RNF32: variants seen among roughly 807,000 people sequenced by gnomAD.
RNF32 encodes ring finger protein 32.
A neutral mutation model predicts 41.0 loss-of-function variants in RNF32; 36 were observed. That is an observed-to-expected ratio of 0.88 (90% CI 0.67 to 1.16). The LOEUF is 1.16. Among genes scored for constraint, RNF32 ranks in the 50% most tolerant of loss-of-function variants. RNF32 has a pLI of 0.00. For missense variants in RNF32, 413 were observed against 436.7 expected (o/e 0.95, Z 0.48); for synonymous variants, 154 against 160.9 (o/e 0.96, Z 0.32).
intron 4 of RNF32, among the ~76,000 whole-genome samples, chr7:156,656,660 C>G (rs1013300812): frequency 6.6e-6 from 1 of 152,238 alleles, no homozygotes; most frequent in African/African-American, 2.4e-5. Context: ...TTCCCCACAG[C>G]AGGCATCCTG....
rs750863086 is a variant in RNF32, at chr7:156,643,837, A to G, written c.-41A>G. 8.1e-6 allele frequency: 13 copies of G among 1,595,266 alleles called. No individual in the cohort carries two copies. Among genetic ancestry groups the G allele is most frequent in the Non-Finnish European group, 1.0e-5 (12 of 1,162,960 alleles). On this transcript the variant is annotated 5_prime_UTR_variant, in exon 2 of 9. The change creates a new upstream start codon in the 5' untranslated region. Coordinates refer to ENST00000317955, the MANE Select transcript of RNF32 (RefSeq NM_030936.4). ...AAGGAAGGTGATAGGATGTGATGAT[A>G]GAATTTGTGATAGCCAAGCAACAAC...
At chr7:156,650,924 G>C (rs1476768433) in intron 3 of RNF32, among the ~76,000 whole-genome samples, 1 of 152,118 alleles carries the variant, frequency 6.6e-6, no homozygotes, top group Non-Finnish European at 1.5e-5. Flanking sequence ...CCCTTCACCT[G>C]CTGCTGTTAC....
chr7:156,651,215 CTTT>C (rs201556848), intron 3 of RNF32, among the ~76,000 whole-genome samples: 11 of 138,698 alleles, frequency 7.9e-5, no homozygotes, highest in Admixed American at 2.2e-4. Context: ...TTTAATATTT[CTTT>C]TTTTTTTTTT....
At chr7:156,657,505 G>A in intron 4 of RNF32, 36 bp from the exon 5 acceptor site, 2 of 1,611,532 alleles carry the variant, frequency 1.2e-6, no homozygotes, top group Non-Finnish European at 1.7e-6. Context: ...CTTCTCTTTT[G>A]TAAACTTCAA....
In RNF32 at chr7:156,675,883, T is replaced by A; in HGVS notation, c.852+20T>A. 1 of 1,607,110 alleles carries A rather than the reference T, an allele frequency of 6.2e-7. No individual in the cohort carries two copies. Among genetic ancestry groups the A allele is most frequent in the Non-Finnish European group, 8.5e-7 (1 of 1,175,780 alleles). On this transcript the variant is annotated intron_variant, in intron 8 of 8. Coordinates refer to ENST00000317955, the MANE Select transcript of RNF32 (RefSeq NM_030936.4). Reference sequence around the variant, plus strand: ...GTGCAGGTAGGTTTGGCTGGCAGCCTGGCAACCAGCAGACTCAGCTGCAGC... The same window carrying A: ...GTGCAGGTAGGTTTGGCTGGCAGCCAGGCAACCAGCAGACTCAGCTGCAGC...
intron 3 of RNF32, 33 bp downstream of exon 3, chr7:156,644,790 A>G: frequency 2.5e-6 from 4 of 1,576,766 alleles, no homozygotes; most frequent in East Asian, 2.2e-5. Flanking sequence ...CTTTTGGCTT[A>G]TTAGGGCTAA....
intron 3 of RNF32, among the ~76,000 whole-genome samples, chr7:156,653,308 C>T (rs1457361740): frequency 5.9e-5 from 9 of 152,134 alleles, no homozygotes; most frequent in African/African-American, 9.7e-5. Context: ...TCAGCTGTAC[C>T]GTGTAGCTTT....
At chr7:156,657,750 A>G (rs1799945371) in intron 5 of RNF32, 177 bp downstream of exon 5, 2 of 666,036 alleles carry the variant, frequency 3.0e-6, no homozygotes, top group Non-Finnish European at 5.3e-6. Context: ...TTTGAAAATC[A>G]TGAGTTTTGT....
intron 7 of RNF32, among the ~76,000 whole-genome samples, chr7:156,662,612 T>C (rs1800805438): frequency 6.6e-6 from 1 of 151,980 alleles, no homozygotes; most frequent in Admixed American, 6.6e-5. Flanking sequence ...ACCTGGGACG[T>C]TGGTTTTCTG....
At chr7:156,676,325 T>C (rs1483795938) in intron 8 of RNF32, 94 bp from the exon 9 acceptor site, 4 of 1,612,868 alleles carry the variant, frequency 2.5e-6, no homozygotes, top group South Asian at 2.2e-5. Context: ...CGAAGACCCA[T>C]GTCTCGGGGC....
intron 7 of RNF32, among the ~76,000 whole-genome samples, chr7:156,662,034 A>G (rs1312856637): frequency 3.9e-5 from 6 of 152,200 alleles, no homozygotes; most frequent in Admixed American, 3.9e-4. Flanking sequence ...TCATTTGGCC[A>G]TAAACACTTG....
intron 4 of RNF32, among the ~76,000 whole-genome samples, chr7:156,657,243 C>T (rs1409518100): frequency 1.3e-5 from 2 of 152,148 alleles, no homozygotes; most frequent in African/African-American, 4.8e-5. Context: ...TCACTGCCCG[C>T]ATCTAAGGGA....
chr7:156,649,693 CTTGAGT>C (rs1798452751), intron 3 of RNF32, among the ~76,000 whole-genome samples: 1 of 152,044 alleles, frequency 6.6e-6, no homozygotes, highest in Non-Finnish European at 1.5e-5. Context: ...GGGTTTTCTC[CTTGAGT>C]TTGTTTGTGC....
chr7:156,640,503 A>T (rs1584982999), upstream of RNF32: 1 of 338,264 alleles, frequency 3.0e-6, no homozygotes. Flanking sequence ...ATCCCCAAAA[A>T]CGCCCGCTGC....
intron 7 of RNF32, among the ~76,000 whole-genome samples, chr7:156,667,566 G>C (rs768118974): frequency 4.6e-5 from 7 of 152,180 alleles, no homozygotes; most frequent in Non-Finnish European, 8.8e-5. Flanking sequence ...CTAGAAGTCA[G>C]TTGTCATTTG....
chr7:156,661,396 T>C (rs1800650646), intron 7 of RNF32, among the ~76,000 whole-genome samples: 3 of 151,710 alleles, frequency 2.0e-5, no homozygotes, highest in Non-Finnish European at 4.4e-5. Flanking sequence ...CTTGGCTCAC[T>C]GCAACCATCG....
chr7:156,653,380 C>T lies in RNF32; in HGVS notation c.275-1196C>T, dbSNP rs192195105. 2.5e-3 allele frequency among the ~76,000 whole-genome samples: 380 copies of T among 152,240 alleles called. 2 individuals carry two copies. The highest frequency in any genetic ancestry group is 8.8e-3 in the African/African-American group (364 of 41,538). ...ATATGCTGTGATGTTAGCAAGATGA[C>T]GAAATCGCCTAACAGCACATTTCTT... On this transcript the variant is annotated intron_variant, in intron 3 of 8. Transcript: ENST00000317955.
chr7:156,658,835 AATTG>A, intron 7 of RNF32: 1 of 1,411,402 alleles, frequency 7.1e-7, no homozygotes, highest in South Asian at 1.3e-5. Flanking sequence ...ATTTTGTGCT[AATTG>A]TTTAAATAAA....
At chr7:156,659,415 G>T in intron 7 of RNF32, 1 of 985,580 alleles carries the variant, frequency 1.0e-6, no homozygotes, top group Non-Finnish European at 1.2e-6. Flanking sequence ...TCTCAATTTG[G>T]TAAAGGACCG....
Sources: allele counts gnomAD v4.1 joint callset (sites outside exome capture counted in the v4.1 genomes callset), GRCh38; gene constraint gnomAD v4.1.1; transcripts MANE v1.5; gene names NCBI Gene and HGNC (gene_info 2026-07-23, HGNC 2026-07-21).